The following DLGAP2 variants were observed in gnomAD, a reference collection of about 807,000 sequenced individuals.
DLGAP2 encodes the protein disks large-associated protein 2.
DLGAP2 carries 26 observed loss-of-function variants against 100.3 expected under a neutral mutation model. The observed-to-expected ratio is 0.26, with a 90% CI of 0.19 to 0.36. DLGAP2 has a LOEUF of 0.36. Among genes scored for constraint, DLGAP2 ranks in the 10% least tolerant of loss-of-function variants. The probability of loss-of-function intolerance (pLI) is 1.00; values close to 1 mark genes in which losing one functional copy is unlikely to be tolerated. For synonymous variants in DLGAP2, 886 were observed against 630.1 expected (o/e 1.41, Z -6.08); for missense variants, 1,858 against 1,453.2 (o/e 1.28, Z -4.53).
chr8:1,697,708 G>A (rs1352927419), intron 14 of DLGAP2, among the ~76,000 whole-genome samples: 1 of 152,190 alleles, frequency 6.6e-6, no homozygotes, highest in Admixed American at 6.5e-5. Flanking sequence ...TTTAGGCCTG[G>A]TTATGGACTA....
intron 12 of DLGAP2, among the ~76,000 whole-genome samples, chr8:1,687,334 G>A (rs1192204549): frequency 6.6e-6 from 1 of 152,238 alleles, no homozygotes; most frequent in Non-Finnish European, 1.5e-5. Flanking sequence ...GAAGGCAAGG[G>A]TTCTAGCAGG....
At chr8:953,783 T>C (rs910982806) in intron 2 of DLGAP2, among the ~76,000 whole-genome samples, 12 of 152,186 alleles carry the variant, frequency 7.9e-5, no homozygotes, top group Non-Finnish European at 1.3e-4. Context: ...AGTGCTTCCG[T>C]TTAAGACAGT....
At chr8:1,132,110 T>A (rs1034846670) in intron 2 of DLGAP2, among the ~76,000 whole-genome samples, 5 of 152,196 alleles carry the variant, frequency 3.3e-5, no homozygotes, top group African/African-American at 9.6e-5. Context: ...CAGTTTTTCA[T>A]TATATGTGTT....
intron 2 of DLGAP2, among the ~76,000 whole-genome samples, chr8:1,205,216 G>C (rs1383905238): frequency 6.6e-6 from 1 of 152,172 alleles, no homozygotes; most frequent in East Asian, 1.9e-4. Context: ...GTAACTGTAG[G>C]TTAAGAAGTC....
At chr8:1,270,723 T>C (rs201654991) in intron 3 of DLGAP2, among the ~76,000 whole-genome samples, 1 of 148,904 alleles carries the variant, frequency 6.7e-6, no homozygotes. Flanking sequence ...TGTGTGTGTC[T>C]CCCTCTCTCT....
chr8:1,307,894 A>G (rs916843848), intron 3 of DLGAP2, among the ~76,000 whole-genome samples: 7 of 152,146 alleles, frequency 4.6e-5, no homozygotes, highest in African/African-American at 1.7e-4. Context: ...GTAGTTAGAA[A>G]TGGGTACAGA....
chr8:1,299,819 T>C (rs577703391), intron 3 of DLGAP2: 1 of 152,284 alleles, frequency 6.6e-6, no homozygotes, highest in African/African-American at 2.4e-5. Flanking sequence ...CTTATGTAAG[T>C]AAAATTTGAA....
chr8:969,384 T>C (rs1390748463), intron 2 of DLGAP2, among the ~76,000 whole-genome samples: 2 of 151,924 alleles, frequency 1.3e-5, no homozygotes, highest in African/African-American at 4.8e-5. Context: ...AATCTCCTTC[T>C]CTCTACACGT....
intron 6 of DLGAP2, among the ~76,000 whole-genome samples, chr8:1,588,040 G>T (rs542392147): frequency 6.6e-6 from 1 of 152,112 alleles, no homozygotes; most frequent in African/African-American, 2.4e-5. Flanking sequence ...ACTCCTAATA[G>T]AGTTCTGGTA....
In DLGAP2 at chr8:1,510,634, C is replaced by T. The variant is rs117824585; in HGVS notation, c.172+9203C>T. Among the ~76,000 whole-genome samples, 677 of 152,280 alleles carry T rather than the reference C, an allele frequency of 4.4e-3. 14 individuals carry two copies. The East Asian group carries it at 0.074, about 17-fold the overall frequency. On this transcript the variant is annotated intron_variant, in intron 4 of 14. Transcript: ENST00000637795. ...CAGCAAACATGAAGGTCACAGGACG[C>T]GCATTCTCATTCTGCAGGTGAGGAA...
intron 1 of DLGAP2, among the ~76,000 whole-genome samples, chr8:766,641 A>G (rs1259399057): frequency 2.6e-5 from 4 of 152,122 alleles, no homozygotes; most frequent in Non-Finnish European, 5.9e-5. Context: ...TGGAGTGATC[A>G]TGTCCGTTGA....
At chr8:1,517,055 G>A (rs567607775) in intron 4 of DLGAP2, among the ~76,000 whole-genome samples, 89 of 152,286 alleles carry the variant, frequency 5.8e-4, no homozygotes, top group Non-Finnish European at 2.6e-4. Context: ...CAGGAATCGA[G>A]GTTCAGTAGA....
intron 3 of DLGAP2, among the ~76,000 whole-genome samples, chr8:1,272,497 T>A (rs1799602814): frequency 6.6e-6 from 1 of 152,080 alleles, no homozygotes; most frequent in African/African-American, 2.4e-5. Flanking sequence ...CATAAACGTT[T>A]TATATAGAAT....
At chr8:782,042 T>C (rs964193903) in intron 1 of DLGAP2, among the ~76,000 whole-genome samples, 5 of 152,130 alleles carry the variant, frequency 3.3e-5, no homozygotes, top group Admixed American at 1.3e-4. Context: ...CATTAATTGA[T>C]TGTACATTTC....
chr8:1,030,182 C>G (rs1016113250), intron 2 of DLGAP2, among the ~76,000 whole-genome samples: 1 of 152,214 alleles, frequency 6.6e-6, no homozygotes, highest in Non-Finnish European at 1.5e-5. Context: ...AGATCCAGCT[C>G]TTGCTAACAG....
chr8:746,690 G>T (rs1467482758), intron 1 of DLGAP2, among the ~76,000 whole-genome samples: 1 of 152,106 alleles, frequency 6.6e-6, no homozygotes, highest in Non-Finnish European at 1.5e-5. Flanking sequence ...TTGTTTTTTT[G>T]CTGTATCAGC....
At chr8:871,106 CTG>C (rs1797588934) in intron 1 of DLGAP2, among the ~76,000 whole-genome samples, 1 of 152,200 alleles carries the variant, frequency 6.6e-6, no homozygotes, top group South Asian at 2.1e-4. Context: ...CTGACCACCT[CTG>C]GGCACCAGTG....
chr8:1,426,818 A>T (rs1376937469), intron 3 of DLGAP2, among the ~76,000 whole-genome samples: 1 of 151,700 alleles, frequency 6.6e-6, no homozygotes, highest in Admixed American at 6.6e-5. Context: ...AATTAGTCGT[A>T]AAAAAAAATT....
intron 2 of DLGAP2, among the ~76,000 whole-genome samples, chr8:986,472 A>C (rs1800490648): frequency 6.6e-6 from 1 of 152,062 alleles, no homozygotes; most frequent in African/African-American, 2.4e-5. Flanking sequence ...ATTATTATCT[A>C]GTGTTAAGTG....
Sources: gnomAD v4.1 joint callset for allele counts (sites outside exome capture counted in the v4.1 genomes callset) on GRCh38, gnomAD v4.1.1 for gene constraint, MANE v1.5 for transcripts, NCBI Gene and HGNC (gene_info 2026-07-23, HGNC 2026-07-21) for gene names.